The following COL11A2 variants were observed in gnomAD, a reference collection of about 807,000 sequenced individuals.
COL11A2 encodes the protein collagen type XI alpha 2 chain, also known as collagen alpha-2(XI) chain.
Under a neutral mutation model 273.4 loss-of-function variants are expected in COL11A2, and 116 were observed. The ratio of observed to expected loss-of-function variants is 0.42; its 90% confidence interval spans 0.36 to 0.49. COL11A2 has a LOEUF of 0.49. COL11A2 is among the 20% of genes least tolerant of loss of function. COL11A2 has a pLI of 0.00. For synonymous variants in COL11A2, 782 were observed against 864.2 expected, an observed-to-expected ratio of 0.90 and a Z score of 1.67; for missense variants, 1,866 against 2,309.0, an observed-to-expected ratio of 0.81 and a Z score of 3.93.
rs1421605348 is a variant in COL11A2 at position 33,179,249 on chromosome 6, A to C, written c.1539T>G (p.Ser513=). 6 of 1,612,090 alleles carry C rather than the reference A, an allele frequency of 3.7e-6. No homozygotes were observed. The Admixed American group carries it at 1.0e-4, about 27-fold the overall frequency. ...QPGSPGLKGE[S]GDLGPQGPRG... is the part of the protein sequence containing the mutation. ...TGGTCACCTGAGGTCCTAAGTCTCC[A>C]GACTCTCCTTTCAGGCCAGGGCTCC... The change falls in exon 15 of 66, where the codon TCT becomes TCG. Residue 513 remains serine, a synonymous_variant. Transcript: ENST00000341947. This position sits in a 1 kb window ranked among gnomAD's most constrained non-coding sequence, Gnocchi z 6.4.
rs764354878 is a variant in COL11A2 at position 33,166,138 on chromosome 6, G to A, written c.4428+33C>T. ...GACATCATCAAGTCCAGAGGGGGTG[G>A]AGCAAAGGTCAGAGCTGAAGGGGGT... On this transcript the variant is annotated intron_variant, in intron 61 of 65. Transcript: ENST00000341947. The surrounding 1 kb of genome is among the most constrained non-coding windows in gnomAD (Gnocchi z 4.8). The A allele has an allele frequency of 3.7e-6, 6 of 1,608,068 alleles. No homozygotes were observed. The highest frequency in any genetic ancestry group is 1.3e-5 in the African/African-American group (1 of 74,884).
rs1252903336 is a variant in COL11A2, at chr6:33,192,459, C to G, written c.-219G>C. The G allele has an allele frequency of 1.4e-5, 8 of 591,264 alleles. No homozygotes were observed. Among genetic ancestry groups the G allele is most frequent in the Middle Eastern group, 4.5e-4 (1 of 2,242 alleles). 36.6% of individuals were successfully genotyped at this position (591,264 alleles called of 1,614,324 possible). On this transcript the variant is annotated 5_prime_UTR_variant, in exon 1 of 66. Coordinates refer to ENST00000341947, the MANE Select transcript of COL11A2 (RefSeq NM_080680.3). ...ACTGCTCCCTCCTCGGTGGCTGCCG[C>G]TTCTGTGTGTCCCCGGCCACCCTGG...
In COL11A2 at chr6:33,176,229, G is replaced by C. The variant is rs761333900; in HGVS notation, c.2214+30C>G. Reference sequence around the variant, plus strand: ...GAAGAGAGGAGATGGCAGGACTGAGGTGCTGGGAAGCTGGGGGCATGGTGC... The same window carrying C: ...GAAGAGAGGAGATGGCAGGACTGAGCTGCTGGGAAGCTGGGGGCATGGTGC... On this transcript the variant is annotated intron_variant, in intron 28 of 65. Coordinates refer to ENST00000341947, the MANE Select transcript of COL11A2 (RefSeq NM_080680.3). The surrounding 1 kb of genome is among the most constrained non-coding windows in gnomAD (Gnocchi z 4.9). The C allele has an allele frequency of 6.2e-7, 1 of 1,609,274 alleles. No individual in the cohort carries two copies. Among genetic ancestry groups the C allele is most frequent in the South Asian group, 1.1e-5 (1 of 90,706 alleles).
chr6:33,193,518 C>T (rs1583401648), upstream of COL11A2: 1 of 151,084 alleles, frequency 6.6e-6, no homozygotes, highest in East Asian at 2.0e-4. Flanking sequence ...GGGATCGCGT[C>T]CGGAGCTCCC....
Position 33,169,815 on chromosome 6 carries a change from T to C in COL11A2, c.3690+16A>G. The C allele has an allele frequency of 1.2e-6, 2 of 1,614,028 alleles. No homozygotes were observed. Among genetic ancestry groups the C allele is most frequent in the Non-Finnish European group, 1.7e-6 (2 of 1,179,952 alleles). ...TGACGGGGACTGGGGAGTAAGGCCT[T>C]GGAGCTGTCACTCACCTTGACACCT... is the stretch of plus-strand genomic sequence containing the variant. On this transcript the variant is annotated intron_variant, in intron 50 of 65. Coordinates refer to ENST00000341947, the MANE Select transcript of COL11A2 (RefSeq NM_080680.3). This position sits in a 1 kb window ranked among gnomAD's most constrained non-coding sequence, Gnocchi z 5.5.
intron 30 of COL11A2, among the ~76,000 whole-genome samples, chr6:33,175,155 A>G (rs1770714625): frequency 6.6e-6 from 1 of 152,234 alleles, no homozygotes; most frequent in Non-Finnish European, 1.5e-5. Flanking sequence ...TCAGCAAAAC[A>G]GTACGTCACA....
intron 8 of COL11A2, 96 bp from the exon 9 acceptor site, chr6:33,181,266 C>A: frequency 1.6e-6 from 2 of 1,262,754 alleles, no homozygotes; most frequent in Non-Finnish European, 1.2e-6. Flanking sequence ...TTCTTAGATC[C>A]TCTCGAGACC....
In COL11A2 at chr6:33,169,518, G is replaced by A. The variant is rs772943566; in HGVS notation, c.3691-28C>T. On this transcript the variant is annotated intron_variant, in intron 50 of 65. Coordinates refer to ENST00000341947, the MANE Select transcript of COL11A2 (RefSeq NM_080680.3). This position sits in a 1 kb window ranked among gnomAD's most constrained non-coding sequence, Gnocchi z 5.5. ...GCAGAACAAGCGGAGGACACAGATG[G>A]CCCAGGGAATCTTGAAGATCAGGGA... 3 of 1,602,650 alleles carry A rather than the reference G, an allele frequency of 1.9e-6. No homozygotes were observed. The African/African-American group carries it at 4.0e-5, about 21-fold the overall frequency.
In COL11A2 at chr6:33,189,610, A is replaced by T; in HGVS notation, c.83-141T>A. ...GTCACCTCACCCTCACTTGCTTCTG[A>T]ACAGTACCTGAATGGATGGGAAATG... On this transcript the variant is annotated intron_variant, in intron 1 of 65. Coordinates refer to ENST00000341947, the MANE Select transcript of COL11A2 (RefSeq NM_080680.3). This position sits in a 1 kb window ranked among gnomAD's most constrained non-coding sequence, Gnocchi z 5.6. 8.9e-7 allele frequency: 1 copy of T among 1,118,368 alleles called. No individual in the cohort carries two copies. The highest frequency in any genetic ancestry group is 1.3e-6 in the Non-Finnish European group (1 of 776,346). The allele number at this position is 1,118,368 out of a possible 1,614,324, so 69.3% of individuals were successfully genotyped here. A position where few individuals can be genotyped will look rare whatever the true frequency, so the allele number is the denominator to read the frequency against.
chr6:33,169,101 G>T lies in COL11A2; in HGVS notation c.3799-93C>A. 7.8e-7 allele frequency: 1 copy of T among 1,283,890 alleles called. No homozygotes were observed. The highest frequency in any genetic ancestry group is 1.1e-6 in the Non-Finnish European group (1 of 922,588). 79.5% of individuals were successfully genotyped at this position (1,283,890 alleles called of 1,614,324 possible). On this transcript the variant is annotated intron_variant, in intron 51 of 65. Coordinates refer to ENST00000341947, the MANE Select transcript of COL11A2 (RefSeq NM_080680.3). This position sits in a 1 kb window ranked among gnomAD's most constrained non-coding sequence, Gnocchi z 5.5. ...GGCACACGCCACTGCCTCTCTAGAGGCAGTGCCCACCAGTACCCCCCAGGA... is the reference window on the plus strand; with the variant it reads ...GGCACACGCCACTGCCTCTCTAGAGTCAGTGCCCACCAGTACCCCCCAGGA...
At chr6:33,174,381 C>T in intron 31 of COL11A2, 146 bp downstream of exon 31, 2 of 1,369,392 alleles carry the variant, frequency 1.5e-6, no homozygotes, top group Non-Finnish European at 2.0e-6. Context: ...CTCTGGGCCT[C>T]TTTCGGTCAT....
chr6:33,166,459 G>T lies in COL11A2; in HGVS notation c.4392+54C>A. On this transcript the variant is annotated intron_variant, in intron 60 of 65. Transcript: ENST00000341947. The surrounding 1 kb of genome is among the most constrained non-coding windows in gnomAD (Gnocchi z 4.8). ...CATGGAAGTCGTTGGGAGGCTGTGGGTGGGCAGCAGAGGGGTTTAGGGGAT... is the reference window on the plus strand; with the variant it reads ...CATGGAAGTCGTTGGGAGGCTGTGGTTGGGCAGCAGAGGGGTTTAGGGGAT... 2 of 1,580,740 alleles carry T rather than the reference G, an allele frequency of 1.3e-6. No homozygotes were observed. Among genetic ancestry groups the T allele is most frequent in the East Asian group, 2.2e-5 (1 of 44,636 alleles).
In COL11A2 at chr6:33,189,824, ACT is replaced by A. The variant is rs1178898454; in HGVS notation, c.83-357_83-356del. On this transcript the variant is annotated intron_variant, in intron 1 of 65. Transcript: ENST00000341947. This position sits in a 1 kb window ranked among gnomAD's most constrained non-coding sequence, Gnocchi z 5.6. The stretch of plus-strand genomic sequence containing the variant: ...TGTCTCCTGTCTCTCTCACTCTCTT[ACT>A]CTCTCTGTCTCTTTATGTTGGTCTT... Among the ~76,000 whole-genome samples, 1 of 148,828 alleles carries A rather than the reference ACT, an allele frequency of 6.7e-6. No individual in the cohort carries two copies. The highest frequency in any genetic ancestry group is 2.0e-4 in the East Asian group (1 of 5,040).
In COL11A2 at chr6:33,169,950, C is replaced by A; in HGVS notation, c.3637-66G>T. Reference sequence around the variant, plus strand: ...AGCCAAAAAATTCTGATATTCCCCACATCTCATTCTCTTTTGTCTCCCCAC... The same window carrying A: ...AGCCAAAAAATTCTGATATTCCCCAAATCTCATTCTCTTTTGTCTCCCCAC... On this transcript the variant is annotated intron_variant, in intron 49 of 65. Transcript: ENST00000341947. This position sits in a 1 kb window ranked among gnomAD's most constrained non-coding sequence, Gnocchi z 5.5. 6.2e-7 allele frequency: 1 copy of A among 1,612,574 alleles called. No individual in the cohort carries two copies. Among genetic ancestry groups the A allele is most frequent in the Non-Finnish European group, 8.5e-7 (1 of 1,178,848 alleles).
At chr6:33,183,177 T>C (rs1771942233) in intron 8 of COL11A2, among the ~76,000 whole-genome samples, 1 of 151,836 alleles carries the variant, frequency 6.6e-6, no homozygotes, top group Admixed American at 6.6e-5. Context: ...TGAGAACAAC[T>C]AAGGGACACA....
rs898291871 is a variant in COL11A2 at position 33,176,172 on chromosome 6, G to A, written c.2214+87C>T. On this transcript the variant is annotated intron_variant, in intron 28 of 65. Transcript: ENST00000341947. The surrounding 1 kb of genome is among the most constrained non-coding windows in gnomAD (Gnocchi z 4.9). ...GGAAGCAGGGGCTCGGGAGCTGGAC[G>A]GCAGTGCGGGGCAGGCTGGAGGGAA... 1.1e-5 allele frequency: 18 copies of A among 1,600,682 alleles called. No homozygotes were observed. In the African/African-American group the frequency reaches 1.9e-4, roughly 17 times the overall value.
chr6:33,172,193 T>C lies in COL11A2; in HGVS notation c.2989-90A>G, dbSNP rs1437063197. On this transcript the variant is annotated intron_variant, in intron 40 of 65. Coordinates refer to ENST00000341947, the MANE Select transcript of COL11A2 (RefSeq NM_080680.3). The stretch of plus-strand genomic sequence containing the variant: ...GAAGACAGGCTCCAAAAGATGGAAG[T>C]GGGGAGTGACATGGAGGGGGTCAGG... 4.0e-6 allele frequency: 6 copies of C among 1,490,456 alleles called. No individual in the cohort carries two copies. The Admixed American group carries it at 5.5e-5, about 14-fold the overall frequency. 92.3% of individuals were successfully genotyped at this position (1,490,456 alleles called of 1,614,324 possible). A position where few individuals can be genotyped will look rare whatever the true frequency, so the allele number is the denominator to read the frequency against.
Position 33,164,317 on chromosome 6 carries a change from G to A in COL11A2, c.5020C>T (p.Leu1674=), listed in dbSNP as rs1446825939. The change falls in exon 65 of 66, where the codon CTG becomes TTG. Residue 1674 remains leucine, a synonymous_variant. Coordinates refer to ENST00000341947, the MANE Select transcript of COL11A2 (RefSeq NM_080680.3). This position sits in a 1 kb window ranked among gnomAD's most constrained non-coding sequence, Gnocchi z 4.7. The stretch of plus-strand genomic sequence containing the variant: ...ACATAGGGGCTAGTCTCCGGGCTCA[G>A]CTCATCCTCATTGGCCCCACGGAGT... The part of the protein sequence containing the change: ...LRLRGANEDE[L]SPETSPYVKE... The A allele has an allele frequency of 6.2e-7, 1 of 1,612,974 alleles. No individual in the cohort carries two copies. The highest frequency in any genetic ancestry group is 2.2e-5 in the East Asian group (1 of 44,884).
Position 33,176,254 on chromosome 6 carries a change from C to T in COL11A2, c.2214+5G>A, listed in dbSNP as rs1291170291. 6.2e-7 allele frequency: 1 copy of T among 1,607,868 alleles called. No individual in the cohort carries two copies. The highest frequency in any genetic ancestry group is 1.7e-5 in the Admixed American group (1 of 59,148). On this transcript the variant is annotated splice_donor_5th_base_variant and intron_variant, in intron 28 of 65. Coordinates refer to ENST00000341947, the MANE Select transcript of COL11A2 (RefSeq NM_080680.3). The surrounding 1 kb of genome is among the most constrained non-coding windows in gnomAD (Gnocchi z 4.9). ...GTGCTGGGAAGCTGGGGGCATGGTGCTCACCTTCTCACCCTTATGACCCTT... is the reference window on the plus strand; with the variant it reads ...GTGCTGGGAAGCTGGGGGCATGGTGTTCACCTTCTCACCCTTATGACCCTT...
Sources: gnomAD v4.1 joint callset for allele counts (sites outside exome capture counted in the v4.1 genomes callset) on GRCh38, gnomAD v4.1.1 for gene constraint, Gnocchi (gnomAD v3.1) non-coding constraint, MANE v1.5 for transcripts, NCBI Gene and HGNC (gene_info 2026-07-23, HGNC 2026-07-21) for gene names.